PIK3R5: variants seen among roughly 807,000 people sequenced by gnomAD.
PIK3R5 encodes the protein phosphoinositide 3-kinase regulatory subunit 5.
Under a neutral mutation model 94.9 loss-of-function variants are expected in PIK3R5, and 32 were observed. That is an observed-to-expected ratio of 0.34 (90% CI 0.25 to 0.45). The LOEUF (loss-of-function observed/expected upper bound fraction) is 0.45. PIK3R5 is among the 20% of genes least tolerant of loss of function. The pLI is 1.00. For missense variants in PIK3R5, 853 were observed against 1,144.6 expected (o/e 0.75, Z 3.68); for synonymous variants, 443 against 479.4 (o/e 0.92, Z 0.99).
At chr17:8,948,576 A>G (rs963615577) in intron 1 of PIK3R5, among the ~76,000 whole-genome samples, 3 of 152,224 alleles carry the variant, frequency 2.0e-5, no homozygotes, top group African/African-American at 7.2e-5. Context: ...GCTCCGCTTC[A>G]TTAGTCAGAA....
chr17:8,950,308 C>G (rs1440827148), intron 1 of PIK3R5, among the ~76,000 whole-genome samples: 1 of 152,130 alleles, frequency 6.6e-6, no homozygotes, highest in African/African-American at 2.4e-5. Flanking sequence ...AAAATATATG[C>G]AATATAAAAT....
At chr17:8,939,648 G>A (rs375332497) in intron 1 of PIK3R5, among the ~76,000 whole-genome samples, 1 of 152,190 alleles carries the variant, frequency 6.6e-6, no homozygotes, top group Non-Finnish European at 1.5e-5. Flanking sequence ...TGATATGACT[G>A]TGGTTTTTGC....
intron 1 of PIK3R5, among the ~76,000 whole-genome samples, chr17:8,936,053 CA>C (rs746258155): frequency 0.036 from 2,324 of 63,930 alleles, 47 homozygotes; most frequent in African/African-American, 0.098. Flanking sequence ...GACTCCATCT[CA>C]AAAAAAAAAA....
At chr17:8,894,458 G>C (rs2151381017) in intron 5 of PIK3R5, among the ~76,000 whole-genome samples, 1 of 152,278 alleles carries the variant, frequency 6.6e-6, no homozygotes, top group African/African-American at 2.4e-5. Context: ...GATCGGGAAG[G>C]ACTGTGGTCT....
intron 1 of PIK3R5, among the ~76,000 whole-genome samples, chr17:8,924,771 A>T (rs944725821): frequency 4.6e-5 from 7 of 152,202 alleles, no homozygotes; most frequent in African/African-American, 1.2e-4. Context: ...CCTCTCTAAC[A>T]AGAAAACAGA....
At position 8,888,211 on chromosome 17, in the gene PIK3R5, G is replaced by A. The variant is rs779382153; in HGVS notation, c.1576C>T (p.Arg526Trp). 1.3e-5 allele frequency: 21 copies of A among 1,613,246 alleles called. No homozygotes were observed. Among genetic ancestry groups the A allele is most frequent in the Middle Eastern group, 1.6e-4 (1 of 6,084 alleles). The change falls in exon 10 of 19, where the codon CGG becomes TGG. Residue 526 changes from arginine (R) to tryptophan (W), a missense_variant. Coordinates refer to ENST00000447110, the MANE Select transcript of PIK3R5 (RefSeq NM_001142633.3). This position sits in a 1 kb window ranked among gnomAD's most constrained non-coding sequence, Gnocchi z 7.8. Reference sequence around the variant, plus strand: ...GCCCGAGCCACCTTCCCTGAAATCCGATCGGAGCCAAAGACCACAACACGT... The same window carrying A: ...GCCCGAGCCACCTTCCCTGAAATCCAATCGGAGCCAAAGACCACAACACGT... ...TLRVVVFGSD[R>W]ISGKVARAYS...
At chr17:8,959,953 C>T (rs1339220127) in intron 1 of PIK3R5, among the ~76,000 whole-genome samples, 1 of 152,172 alleles carries the variant, frequency 6.6e-6, no homozygotes, top group Non-Finnish European at 1.5e-5. Context: ...ATGCAGAGGG[C>T]TCCTGAGCGG....
chr17:8,919,069 A>T (rs528450047), intron 1 of PIK3R5, among the ~76,000 whole-genome samples: 1 of 152,342 alleles, frequency 6.6e-6, no homozygotes, highest in East Asian at 1.9e-4. Flanking sequence ...AAGATAGAGG[A>T]CTATCACAGA....
chr17:8,895,303 T>C (rs556857147), intron 5 of PIK3R5, among the ~76,000 whole-genome samples: 21 of 152,342 alleles, frequency 1.4e-4, no homozygotes, highest in African/African-American at 5.1e-4. Flanking sequence ...TACTGTTTAA[T>C]GCTTTTAACA....
intron 1 of PIK3R5, among the ~76,000 whole-genome samples, chr17:8,918,739 T>C (rs929302649): frequency 6.6e-6 from 1 of 152,028 alleles, no homozygotes; most frequent in Non-Finnish European, 1.5e-5. Context: ...TTACCACTTA[T>C]AAAGGGGAAA....
Position 8,955,070 on chromosome 17 carries a change from A to G in PIK3R5, c.-14+10526T>C, listed in dbSNP as rs2091445721. On this transcript the variant is annotated intron_variant, in intron 1 of 18. Transcript: ENST00000447110. The surrounding 1 kb of genome is among the most constrained non-coding windows in gnomAD (Gnocchi z 4.4). ...CACCTGCCTTGTCCCACAGTGGATC[A>G]CAAAGCCACTGGTGTCTGAAGCCCT... Among the ~76,000 whole-genome samples the G allele has an allele frequency of 1.3e-5, 2 of 152,282 alleles. No homozygotes were observed. The highest frequency in any genetic ancestry group is 4.1e-4 in the South Asian group (2 of 4,824).
In PIK3R5 at chr17:8,892,814, T is replaced by C. The variant is rs1402407846; in HGVS notation, c.482+772A>G. Among the ~76,000 whole-genome samples the C allele has an allele frequency of 1.3e-5, 2 of 151,894 alleles. No individual in the cohort carries two copies. Among genetic ancestry groups the C allele is most frequent in the African/African-American group, 2.4e-5 (1 of 41,332 alleles). The stretch of plus-strand genomic sequence containing the variant: ...GGCCGGGGGCCTATAATTTCTGAGG[T>C]GGTGAAGGCCGGGGTCCCTGGGCTC... On this transcript the variant is annotated intron_variant, in intron 6 of 18. Coordinates refer to ENST00000447110, the MANE Select transcript of PIK3R5 (RefSeq NM_001142633.3). The surrounding 1 kb of genome is among the most constrained non-coding windows in gnomAD (Gnocchi z 4.3).
At chr17:8,898,153 T>G (rs1435408103) in intron 5 of PIK3R5, among the ~76,000 whole-genome samples, 2 of 152,230 alleles carry the variant, frequency 1.3e-5, no homozygotes, top group Non-Finnish European at 2.9e-5. Flanking sequence ...GTCTAACCTT[T>G]CATTCCATAA....
intron 5 of PIK3R5, among the ~76,000 whole-genome samples, chr17:8,899,549 G>A (rs143207568): frequency 6.1e-4 from 93 of 152,326 alleles, no homozygotes; most frequent in Non-Finnish European, 1.1e-3. Flanking sequence ...CAAGCTAAAC[G>A]TCTTGCTGAA....
intron 1 of PIK3R5, among the ~76,000 whole-genome samples, chr17:8,948,042 T>TAAAAAAAAAAAAAAAAAAAAAAAAAAAA (rs71135932): frequency 1.1e-4 from 7 of 62,764 alleles, no homozygotes; most frequent in Admixed American, 4.3e-4. Flanking sequence ...GACTCCGTCT[T>TAAAAAAAAAAAAAAAAAAAAAAAAAAAA]AAAAAAAAAA....
intron 1 of PIK3R5, among the ~76,000 whole-genome samples, chr17:8,960,525 G>A (rs2091544636): frequency 1.3e-5 from 2 of 152,244 alleles, no homozygotes; most frequent in South Asian, 2.1e-4. Context: ...CAGAAGGTGC[G>A]CTCCATGCAG....
rs1321834673 is a variant in PIK3R5, at chr17:8,888,163, G to T, written c.1616+8C>A. 1.2e-6 allele frequency: 2 copies of T among 1,612,922 alleles called. No individual in the cohort carries two copies. Among genetic ancestry groups the T allele is most frequent in the Admixed American group, 1.7e-5 (1 of 60,010 alleles). ...GGGCAGAGGGATGCTCCGCATTACG[G>T]CTCTTACCGAAGGTTGCTGTACGCC... On this transcript the variant is annotated splice_region_variant and intron_variant, in intron 10 of 18. Transcript: ENST00000447110. This position sits in a 1 kb window ranked among gnomAD's most constrained non-coding sequence, Gnocchi z 7.8.
chr17:8,899,426 C>T (rs915496278), intron 5 of PIK3R5, among the ~76,000 whole-genome samples: 3 of 152,234 alleles, frequency 2.0e-5, no homozygotes, highest in Non-Finnish European at 2.9e-5. Context: ...CACTGCAACC[C>T]TTACTGCCCC....
At position 8,887,248 on chromosome 17, in the gene PIK3R5, C is replaced by A. The variant is rs546932147; in HGVS notation, c.1780-27G>T. ...TAGGGCAAAGAACAAGAGTCATCATCCCAGCTCCCCAGGAGGCCTGCCCAT... is the reference window on the plus strand; with the variant it reads ...TAGGGCAAAGAACAAGAGTCATCATACCAGCTCCCCAGGAGGCCTGCCCAT... On this transcript the variant is annotated intron_variant, in intron 11 of 18. Coordinates refer to ENST00000447110, the MANE Select transcript of PIK3R5 (RefSeq NM_001142633.3). 4.3e-6 allele frequency: 7 copies of A among 1,612,276 alleles called. No individual in the cohort carries two copies. In the South Asian group the frequency reaches 7.7e-5, roughly 18 times the overall value.
Sources: allele counts gnomAD v4.1 joint callset (sites outside exome capture counted in the v4.1 genomes callset), GRCh38; gene constraint gnomAD v4.1.1; non-coding constraint Gnocchi (gnomAD v3.1); transcripts MANE v1.5; gene names NCBI Gene and HGNC (gene_info 2026-07-23, HGNC 2026-07-21).